Variants in TTC27 observed in about 807,000 individuals in gnomAD.
The protein encoded by TTC27 is tetratricopeptide repeat domain 27, also known as tetratricopeptide repeat protein 27.
A neutral mutation model predicts 115.9 loss-of-function variants in TTC27; 79 were observed. That is an observed-to-expected ratio of 0.68 (90% confidence interval 0.57 to 0.82). The LOEUF (loss-of-function observed/expected upper bound fraction) is 0.82, where lower values mean the gene tolerates loss of function less well. TTC27 is among the 40% of genes least tolerant of loss of function. The pLI, the probability that TTC27 is intolerant of heterozygous loss-of-function variation, is 0.00. For missense variants in TTC27, 1,054 were observed against 993.1 expected (o/e 1.06, Z -0.82); for synonymous variants, 401 against 356.0 (o/e 1.13, Z -1.42).
intron 12 of TTC27, among the ~76,000 whole-genome samples, chr2:32,754,473 A>C (rs1669134142): frequency 6.7e-6 from 1 of 149,600 alleles, no homozygotes; most frequent in South Asian, 2.2e-4. Context: ...AAGGTCATAG[A>C]TCAACAGTAT....
intron 9 of TTC27, among the ~76,000 whole-genome samples, chr2:32,686,297 G>A (rs1292214469): frequency 2.0e-5 from 3 of 151,720 alleles, no homozygotes; most frequent in Non-Finnish European, 4.4e-5. Context: ...ATCCCCATAG[G>A]CATTTTTTTT....
chr2:32,714,010 G>A (rs797000547), intron 10 of TTC27, among the ~76,000 whole-genome samples: 34 of 142,260 alleles, frequency 2.4e-4, no homozygotes, highest in Middle Eastern at 7.2e-3. Context: ...ATAAGTGAGA[G>A]TATGCACTAT....
intron 5 of TTC27, among the ~76,000 whole-genome samples, chr2:32,660,184 C>T (rs1292556260): frequency 6.6e-6 from 1 of 152,032 alleles, no homozygotes; most frequent in African/African-American, 2.4e-5. Context: ...TCTGTTGTTT[C>T]CTGACTTTTT....
At chr2:32,791,945 T>G (rs558739511) in intron 16 of TTC27, among the ~76,000 whole-genome samples, 1 of 152,312 alleles carries the variant, frequency 6.6e-6, no homozygotes, top group South Asian at 2.1e-4. Flanking sequence ...TGTATTCTTA[T>G]GTAATCACCA....
chr2:32,795,887 T>G (rs1670687857), intron 16 of TTC27, among the ~76,000 whole-genome samples: 1 of 152,052 alleles, frequency 6.6e-6, no homozygotes, highest in Non-Finnish European at 1.5e-5. Flanking sequence ...CCTGAAAGCT[T>G]CTTTTCTAAG....
At chr2:32,767,214 T>C (rs957408919) in intron 13 of TTC27, among the ~76,000 whole-genome samples, 4 of 152,166 alleles carry the variant, frequency 2.6e-5, no homozygotes, top group South Asian at 2.1e-4. Context: ...CAGTAATAAT[T>C]TGTAAGAAAC....
chr2:32,754,780 C>A (rs1479633045), intron 12 of TTC27, among the ~76,000 whole-genome samples: 3 of 148,588 alleles, frequency 2.0e-5, no homozygotes, highest in Non-Finnish European at 3.0e-5. Flanking sequence ...GGGCTGACCT[C>A]CCCCACCTCC....
chr2:32,749,806 G>T (rs913376957), intron 12 of TTC27, among the ~76,000 whole-genome samples: 3 of 152,064 alleles, frequency 2.0e-5, no homozygotes, highest in Non-Finnish European at 4.4e-5. Context: ...TGGAATTATT[G>T]TAGGGATTAC....
chr2:32,722,568 T>C (rs1558310223), intron 10 of TTC27, among the ~76,000 whole-genome samples: 1 of 152,202 alleles, frequency 6.6e-6, no homozygotes, highest in Non-Finnish European at 1.5e-5. Flanking sequence ...ATAGCTGAAC[T>C]AGAGTTCACC....
rs778419723 is a variant in TTC27, at chr2:32,628,298, G to C, written c.6G>C (p.Trp2Cys). The C allele has an allele frequency of 6.2e-7, 1 of 1,604,818 alleles. No individual in the cohort carries two copies. Among genetic ancestry groups the C allele is most frequent in the South Asian group, 1.1e-5 (1 of 88,662 alleles). Residue 2 changes from tryptophan (W) to cysteine (C), a missense_variant, in exon 1 of 20, where the codon TGG (tryptophan) becomes TGC (cysteine). Trp to Cys is a radical substitution (Grantham distance 215). Transcript: ENST00000317907. ...CTGCAGCGGTGTCTGGGGTGATGTG[G>C]ACCCCGGAGCTGGCAATTCTGAGGG... The part of the protein sequence containing the change: M[W>C]TPELAILRGF...
chr2:32,796,752 C>T (rs1233105037), intron 16 of TTC27, among the ~76,000 whole-genome samples: 1 of 152,168 alleles, frequency 6.6e-6, no homozygotes, highest in African/African-American at 2.4e-5. Flanking sequence ...TCAAAACTTA[C>T]CACAAAACTG....
intron 14 of TTC27, among the ~76,000 whole-genome samples, chr2:32,778,436 G>T (rs1419524315): frequency 2.0e-5 from 3 of 152,088 alleles, no homozygotes. Context: ...ATTAGCTTTA[G>T]ATCATCTTTA....
At chr2:32,669,263 GA>G (rs1665917827) in intron 7 of TTC27, among the ~76,000 whole-genome samples, 1 of 152,098 alleles carries the variant, frequency 6.6e-6, no homozygotes, top group Admixed American at 6.6e-5. Flanking sequence ...AAACTGTTGG[GA>G]TTATAGGCAT....
intron 17 of TTC27, among the ~76,000 whole-genome samples, chr2:32,811,771 T>A (rs1365818644): frequency 6.6e-6 from 1 of 152,228 alleles, no homozygotes; most frequent in Non-Finnish European, 1.5e-5. Context: ...ATCTTAGAAC[T>A]TAAAGGAGCC....
At chr2:32,633,502 T>C (rs1664292543) in intron 2 of TTC27, among the ~76,000 whole-genome samples, 1 of 151,976 alleles carries the variant, frequency 6.6e-6, no homozygotes, top group African/African-American at 2.4e-5. Context: ...AGCCTCAAAC[T>C]CCTGGGCTGC....
intron 16 of TTC27, among the ~76,000 whole-genome samples, chr2:32,801,787 A>G (rs146936654): frequency 4.5e-4 from 69 of 152,310 alleles, no homozygotes; most frequent in African/African-American, 1.3e-3. Flanking sequence ...CACTCCTATG[A>G]AAGTCTTGCC....
At chr2:32,819,466 GC>G (rs981635370) in intron 19 of TTC27, among the ~76,000 whole-genome samples, 4 of 152,120 alleles carry the variant, frequency 2.6e-5, no homozygotes, top group Non-Finnish European at 5.9e-5. Context: ...AAACTGAATT[GC>G]ATTCCAAAAA....
In TTC27 at chr2:32,797,422, C is replaced by A. The variant is rs574168499; in HGVS notation, c.1998+10273C>A. 7.2e-5 allele frequency among the ~76,000 whole-genome samples: 11 copies of A among 152,264 alleles called. No homozygotes were observed. In the East Asian group the frequency reaches 2.1e-3, roughly 29 times the overall value. ...CCATCCCCTGGGCTCAAGCAGCCTG[C>A]CCGCCTCTGCTTCCCAAAGTGCTGA... is the stretch of plus-strand genomic sequence containing the variant. On this transcript the variant is annotated intron_variant, in intron 16 of 19. Transcript: ENST00000317907.
intron 19 of TTC27, among the ~76,000 whole-genome samples, chr2:32,818,508 T>C (rs980771764): frequency 3.3e-5 from 5 of 152,182 alleles, no homozygotes; most frequent in African/African-American, 4.8e-5. Context: ...GGGAGCTTTA[T>C]TGAAGACTGG....
Sources: gnomAD v4.1 joint callset for allele counts (sites outside exome capture counted in the v4.1 genomes callset) on GRCh38, gnomAD v4.1.1 for gene constraint, MANE v1.5 for transcripts, NCBI Gene and HGNC (gene_info 2026-07-23, HGNC 2026-07-21) for gene names.